PI15: variants seen among roughly 807,000 people sequenced by gnomAD.
PI15 encodes the protein 25 kDa trypsin inhibitor.
Under a neutral mutation model 31.0 loss-of-function variants are expected in PI15, and 18 were observed. That is an observed-to-expected ratio of 0.58 (90% CI 0.40 to 0.86). The LOEUF (loss-of-function observed/expected upper bound fraction) is 0.86, where lower values mean the gene tolerates loss of function less well. Among genes scored for constraint, PI15 ranks in the 40% least tolerant of loss-of-function variants. The pLI, the probability that PI15 is intolerant of heterozygous loss-of-function variation, is 0.00. For missense variants in PI15, 282 were observed against 328.1 expected (o/e 0.86, Z 1.09); for synonymous variants, 118 against 119.1 (o/e 0.99, Z 0.06).
rs1299401145 is a variant in PI15 at position 74,825,536 on chromosome 8, T to C, written c.273+14T>C. Reference sequence around the variant, plus strand: ...ATGGAATATATGGTAAGAAGAATTCTTTTTTTTTTTTTTAAGTTCTGAGTG... The same window carrying C: ...ATGGAATATATGGTAAGAAGAATTCCTTTTTTTTTTTTTAAGTTCTGAGTG... On this transcript the variant is annotated intron_variant, in intron 2 of 5. Transcript: ENST00000260113. The C allele has an allele frequency of 6.0e-6, 3 of 497,768 alleles. No homozygotes were observed. The highest frequency in any genetic ancestry group is 4.6e-5 in the African/African-American group (1 of 21,698). 30.8% of individuals were successfully genotyped at this position (497,768 alleles called of 1,614,324 possible). A position where few individuals can be genotyped will look rare whatever the true frequency, so the allele number is the denominator to read the frequency against.
rs1586949739 is a variant in PI15 at position 74,825,099 on chromosome 8, T to G, written c.-40-111T>G. On this transcript the variant is annotated intron_variant, in intron 1 of 5. Coordinates refer to ENST00000260113, the MANE Select transcript of PI15 (RefSeq NM_015886.5). ...GGCTTGAGTTCAACATTTGTTTGGA[T>G]TTTTGAAGAAAGTCAAATCAAGCAA... The G allele has an allele frequency of 7.0e-6, 5 of 712,300 alleles. No homozygotes were observed. The East Asian group carries it at 1.2e-4, about 18-fold the overall frequency. 44.1% of individuals were successfully genotyped at this position (712,300 alleles called of 1,614,324 possible).
intron 2 of PI15, 56 bp downstream of exon 2, chr8:74,825,578 T>TG: frequency 7.1e-7 from 1 of 1,414,078 alleles, no homozygotes; most frequent in Non-Finnish European, 9.7e-7. Context: ...CTTTATATTG[T>TG]ACATCTGCAG....
chr8:74,825,501 G>T lies in PI15; in HGVS notation c.252G>T (p.Pro84=), dbSNP rs554075984. The T allele has an allele frequency of 1.2e-6, 2 of 1,612,078 alleles. No individual in the cohort carries two copies. Among genetic ancestry groups the T allele is most frequent in the African/African-American group, 2.7e-5 (2 of 74,610 alleles). The change falls in exon 2 of 6, where the codon CCG becomes CCT. Residue 84 remains proline (P), a synonymous_variant. Coordinates refer to ENST00000260113, the MANE Select transcript of PI15 (RefSeq NM_015886.5). ...HNQVRGKVFP[P]AANMEYMVWD... is the part of the protein sequence containing the mutation. ...AAGTTCGGGGCAAAGTGTTCCCACC[G>T]GCAGCAAATATGGAATATATGGTAA... is the stretch of plus-strand genomic sequence containing the variant.
At chr8:74,846,934 G>C (rs574403575) in intron 5 of PI15, among the ~76,000 whole-genome samples, 1 of 152,216 alleles carries the variant, frequency 6.6e-6, no homozygotes, top group East Asian at 1.9e-4. Flanking sequence ...CTGATTCACT[G>C]TTTTGAATAG....
At chr8:74,836,410 AGT>A (rs755548420) in intron 2 of PI15, among the ~76,000 whole-genome samples, 1 of 152,228 alleles carries the variant, frequency 6.6e-6, no homozygotes, top group African/African-American at 2.4e-5. Flanking sequence ...ATTTTGGAAA[AGT>A]ACGCAGTTGA....
intron 2 of PI15, among the ~76,000 whole-genome samples, chr8:74,839,541 A>G (rs1810915553): frequency 6.6e-6 from 1 of 152,056 alleles, no homozygotes; most frequent in African/African-American, 2.4e-5. Context: ...AATATTCTTA[A>G]TTTTTCCTCA....
At chr8:74,846,847 AAGAG>A (rs974674650) in intron 5 of PI15, among the ~76,000 whole-genome samples, 5 of 152,136 alleles carry the variant, frequency 3.3e-5, no homozygotes, top group South Asian at 4.2e-4. Flanking sequence ...AGATAAGTGA[AAGAG>A]AGAGAGAAAG....
rs1435146566 is a variant in PI15, at chr8:74,844,016, T to G, written c.309T>G (p.Ala103=). The stretch of plus-strand genomic sequence containing the variant: ...AAAATCTTGCAAAATCGGCAGAGGC[T>G]TGGGCGGCTACTTGCATTTGGGACC... The part of the protein sequence containing the change: ...WDENLAKSAE[A]WAATCIWDHG... The change falls in exon 3 of 6, where the codon GCT becomes GCG. Residue 103 remains alanine, a synonymous_variant. Transcript: ENST00000260113. 1 of 1,609,042 alleles carries G rather than the reference T, an allele frequency of 6.2e-7. No individual in the cohort carries two copies. Among genetic ancestry groups the G allele is most frequent in the African/African-American group, 1.3e-5 (1 of 74,836 alleles).
intron 2 of PI15, among the ~76,000 whole-genome samples, chr8:74,841,470 G>A (rs982536515): frequency 9.2e-5 from 14 of 152,298 alleles, no homozygotes; most frequent in African/African-American, 3.1e-4. Context: ...TGGAATTAGG[G>A]TTAGATTAGT....
intron 1 of PI15, 192 bp from the exon 2 acceptor site, chr8:74,825,018 G>A (rs2128762878): frequency 1.7e-6 from 1 of 578,306 alleles, no homozygotes; most frequent in South Asian, 2.3e-5. Context: ...TCCTCTTAGG[G>A]GTCTGCCTCA....
chr8:74,831,568 G>A (rs769313951), intron 2 of PI15, among the ~76,000 whole-genome samples: 1 of 152,102 alleles, frequency 6.6e-6, no homozygotes, highest in Non-Finnish European at 1.5e-5. Context: ...ACTGTGTGCT[G>A]AGGGAGTCAG....
chr8:74,835,316 C>CA (rs1810847300), intron 2 of PI15, among the ~76,000 whole-genome samples: 1 of 152,068 alleles, frequency 6.6e-6, no homozygotes, highest in Admixed American at 6.6e-5. Context: ...AACCACTTTG[C>CA]AAGTACACAT....
Position 74,836,010 on chromosome 8 carries a change from T to C in PI15, c.274-7971T>C, listed in dbSNP as rs575434713. 7.9e-5 allele frequency among the ~76,000 whole-genome samples: 12 copies of C among 152,332 alleles called. No individual in the cohort carries two copies. The South Asian group carries it at 2.5e-3, about 32-fold the overall frequency. On this transcript the variant is annotated intron_variant, in intron 2 of 5. Coordinates refer to ENST00000260113, the MANE Select transcript of PI15 (RefSeq NM_015886.5). ...CTGTGGTGGTGGTGATCAGTGGTTATAGTCTAGAGATACAGTATTTTGAAG... is the reference window on the plus strand; with the variant it reads ...CTGTGGTGGTGGTGATCAGTGGTTACAGTCTAGAGATACAGTATTTTGAAG...
chr8:74,847,238 G>A (rs1167632023), intron 5 of PI15, among the ~76,000 whole-genome samples: 4 of 152,094 alleles, frequency 2.6e-5, no homozygotes, highest in Non-Finnish European at 5.9e-5. Context: ...CTGAGGTCAG[G>A]AGTTCAAGAC....
chr8:74,838,334 T>C (rs147455064), intron 2 of PI15, among the ~76,000 whole-genome samples: 2 of 152,274 alleles, frequency 1.3e-5, no homozygotes, highest in East Asian at 1.9e-4. Context: ...TAGGGCATTT[T>C]TGTAACCATT....
intron 3 of PI15, chr8:74,844,702 GTGC>G (rs1810998693): frequency 5.6e-6 from 1 of 180,012 alleles, no homozygotes; most frequent in African/African-American, 2.4e-5. Context: ...AAAATCAACT[GTGC>G]TATTATTAAA....
chr8:74,847,830 G>A (rs1249029637), intron 5 of PI15, among the ~76,000 whole-genome samples: 1 of 151,758 alleles, frequency 6.6e-6, no homozygotes, highest in East Asian at 1.9e-4. Context: ...GGAAGATGAG[G>A]ACCACCTGTT....
At chr8:74,842,414 T>C (rs1810957796) in intron 2 of PI15, among the ~76,000 whole-genome samples, 1 of 152,100 alleles carries the variant, frequency 6.6e-6, no homozygotes, top group East Asian at 1.9e-4. Context: ...AATATATAAA[T>C]ATTATAAATA....
intron 2 of PI15, among the ~76,000 whole-genome samples, chr8:74,831,446 C>A (rs2128763841): frequency 6.6e-6 from 1 of 152,250 alleles, no homozygotes; most frequent in East Asian, 1.9e-4. Context: ...GTGGAATAAT[C>A]AAATGAGGTC....
Sources: gnomAD v4.1 joint callset for allele counts (sites outside exome capture counted in the v4.1 genomes callset) on GRCh38, gnomAD v4.1.1 for gene constraint, MANE v1.5 for transcripts, NCBI Gene and HGNC (gene_info 2026-07-23, HGNC 2026-07-21) for gene names.